Variants in GPC6 observed in about 807,000 individuals in gnomAD.
GPC6 encodes glypican-6.
GPC6 carries 14 observed loss-of-function variants against 55.2 expected under a neutral mutation model. The observed-to-expected ratio is 0.25, with a 90% CI of 0.17 to 0.40. The LOEUF is 0.40. Among genes scored for constraint, GPC6 ranks in the 10% least tolerant of loss-of-function variants. The pLI is 1.00. For missense variants in GPC6, 641 were observed against 708.5 expected (o/e 0.90, Z 1.08); for synonymous variants, 278 against 259.6 (o/e 1.07, Z -0.68).
intron 1 of GPC6, among the ~76,000 whole-genome samples, chr13:93,336,406 C>T (rs1450833016): frequency 6.6e-6 from 1 of 152,094 alleles, no homozygotes; most frequent in South Asian, 2.1e-4. Context: ...GGATGTCTTC[C>T]AGTAGTTCAG....
chr13:93,843,868 T>G (rs1017630729), intron 3 of GPC6, among the ~76,000 whole-genome samples: 2 of 152,172 alleles, frequency 1.3e-5, no homozygotes, highest in African/African-American at 4.8e-5. Context: ...TTGTTCATAA[T>G]AAATAAATAT....
At chr13:93,544,575 A>G (rs2139432625) in intron 1 of GPC6, among the ~76,000 whole-genome samples, 1 of 152,348 alleles carries the variant, frequency 6.6e-6, no homozygotes, top group South Asian at 2.1e-4. Context: ...TCTACTTGCA[A>G]ATAGCACTAA....
At chr13:94,080,599 G>A (rs1353022497) in intron 4 of GPC6, among the ~76,000 whole-genome samples, 2 of 152,110 alleles carry the variant, frequency 1.3e-5, no homozygotes, top group Admixed American at 6.6e-5. Flanking sequence ...TTAAACAACA[G>A]ACATTTATTT....
intron 1 of GPC6, among the ~76,000 whole-genome samples, chr13:93,480,404 C>A (rs1879472852): frequency 6.6e-6 from 1 of 152,052 alleles, no homozygotes. Flanking sequence ...AGTTTTGCAA[C>A]AGAATTATTT....
At chr13:94,070,689 A>G (rs934836760) in intron 4 of GPC6, among the ~76,000 whole-genome samples, 1 of 152,230 alleles carries the variant, frequency 6.6e-6, no homozygotes, top group East Asian at 1.9e-4. Flanking sequence ...CATATTTTGA[A>G]TCAACACAAG....
At chr13:93,504,392 G>T (rs1880630393) in intron 1 of GPC6, among the ~76,000 whole-genome samples, 1 of 151,552 alleles carries the variant, frequency 6.6e-6, no homozygotes, top group Admixed American at 6.6e-5. Context: ...ACATACCTTG[G>T]GTTCTCTCAA....
At chr13:93,667,736 T>TTTTTTTTTTG (rs1555322124) in intron 2 of GPC6, among the ~76,000 whole-genome samples, 1 of 79,742 alleles carries the variant, frequency 1.3e-5, no homozygotes, top group East Asian at 5.2e-4. Context: ...CCAGGACTTG[T>TTTTTTTTTTG]TTTTTTTTTT....
chr13:93,472,490 G>A (rs912608785), intron 1 of GPC6, among the ~76,000 whole-genome samples: 42 of 152,174 alleles, frequency 2.8e-4, no homozygotes, highest in African/African-American at 8.4e-4. Flanking sequence ...CGGCATGGGC[G>A]CCGGCTCTCC....
At chr13:93,564,784 T>C (rs1484696866) in intron 2 of GPC6, among the ~76,000 whole-genome samples, 1 of 152,196 alleles carries the variant, frequency 6.6e-6, no homozygotes, top group Non-Finnish European at 1.5e-5. Context: ...GTCAGTTCAA[T>C]GTTTAAAGAT....
intron 1 of GPC6, among the ~76,000 whole-genome samples, chr13:93,401,112 C>G (rs965291035): frequency 6.6e-6 from 1 of 151,458 alleles, no homozygotes; most frequent in African/African-American, 2.4e-5. Context: ...CTTCTCCCAC[C>G]AGAAATCAGG....
chr13:93,635,357 A>G (rs1489232971), intron 2 of GPC6, among the ~76,000 whole-genome samples: 2 of 152,180 alleles, frequency 1.3e-5, no homozygotes, highest in Non-Finnish European at 2.9e-5. Context: ...TTTGTCATGA[A>G]ATATTGAGCC....
intron 1 of GPC6, among the ~76,000 whole-genome samples, chr13:93,412,107 C>CGT (rs1876523855): frequency 6.6e-6 from 1 of 151,992 alleles, no homozygotes; most frequent in Non-Finnish European, 1.5e-5. Flanking sequence ...ACTTTAATAC[C>CGT]GTGATAACAT....
intron 2 of GPC6, among the ~76,000 whole-genome samples, chr13:93,706,556 A>G (rs1387102364): frequency 6.6e-6 from 1 of 151,924 alleles, no homozygotes; most frequent in African/African-American, 2.4e-5. Flanking sequence ...TGCTATCAAA[A>G]GCCAATTTAT....
At chr13:93,390,244 A>G (rs572810967) in intron 1 of GPC6, among the ~76,000 whole-genome samples, 1 of 152,012 alleles carries the variant, frequency 6.6e-6, no homozygotes, top group Non-Finnish European at 1.5e-5. Context: ...TTGAGTAAAG[A>G]TTATTGGTAA....
At chr13:93,223,536 A>C (rs2138990367), upstream of GPC6, among the ~76,000 whole-genome samples, 1 of 151,708 alleles carries the variant, frequency 6.6e-6, no homozygotes, top group South Asian at 2.1e-4. Flanking sequence ...CTCCACCTCC[A>C]GAGTTCAAAG....
At position 93,474,739 on chromosome 13, in the gene GPC6, C is replaced by T. The variant is rs116487114; in HGVS notation, c.161-70524C>T. Among the ~76,000 whole-genome samples, 662 of 152,220 alleles carry T rather than the reference C, an allele frequency of 4.3e-3. 3 individuals are homozygous for T. The highest frequency in any genetic ancestry group is 0.015 in the African/African-American group (603 of 41,544). On this transcript the variant is annotated intron_variant, in intron 1 of 8. Coordinates refer to ENST00000377047, the MANE Select transcript of GPC6 (RefSeq NM_005708.5). ...AAATAGCTGGTCCTTGCAGTCTGTC[C>T]GGGTTTTGTGGCTGTCTTCAGTGAG...
intron 2 of GPC6, among the ~76,000 whole-genome samples, chr13:93,731,429 G>A (rs1268978301): frequency 6.6e-6 from 1 of 152,080 alleles, no homozygotes; most frequent in Non-Finnish European, 1.5e-5. Context: ...ATGGAAGGAC[G>A]GTTGTCATGG....
intron 4 of GPC6, among the ~76,000 whole-genome samples, chr13:94,132,910 A>C (rs1566446642): frequency 6.6e-6 from 1 of 152,176 alleles, no homozygotes; most frequent in Non-Finnish European, 1.5e-5. Flanking sequence ...TATACATTAG[A>C]AGACAATTGC....
intron 1 of GPC6, among the ~76,000 whole-genome samples, chr13:93,359,038 G>A (rs560215642): frequency 9.5e-5 from 14 of 146,604 alleles, no homozygotes; most frequent in Non-Finnish European, 1.9e-4. Context: ...GTGTGATCAC[G>A]GCTCACTGCT....
Sources: gnomAD v4.1 joint callset for allele counts (sites outside exome capture counted in the v4.1 genomes callset) on GRCh38, gnomAD v4.1.1 for gene constraint, MANE v1.5 for transcripts, NCBI Gene and HGNC (gene_info 2026-07-23, HGNC 2026-07-21) for gene names.